The following LRRC37A2 variants were observed in gnomAD, a reference collection of about 807,000 sequenced individuals.
LRRC37A2 encodes leucine rich repeat containing 37 member A2, also known as leucine-rich repeat-containing protein 37A2.
In LRRC37A2, 9 loss-of-function variants were observed where a neutral mutation model predicts 68.8. That is an observed-to-expected ratio of 0.13 (90% CI 0.08 to 0.23). The LOEUF is 0.23. LRRC37A2 is among the 10% of genes least tolerant of loss of function. LRRC37A2 has a pLI of 1.00. For missense variants in LRRC37A2, 168 were observed against 950.4 expected (o/e 0.18, Z 10.82); for synonymous variants, 63 against 367.6 (o/e 0.17, Z 9.48).
the LRRC37A2 span, among the ~76,000 whole-genome samples, chr17:46,737,075 C>T: frequency 6.6e-6 from 1 of 152,146 alleles, no homozygotes; most frequent in Admixed American, 6.5e-5. Context: ...TAAGGAACAT[C>T]TGCTTTTATT....
the LRRC37A2 span, chr17:46,769,749 C>G: frequency 6.2e-7 from 1 of 1,605,194 alleles, no homozygotes; most frequent in East Asian, 2.2e-5. Flanking sequence ...GGGGGCTGCT[C>G]CCTGAAGGGT....
At chr17:46,922,737 C>A in the LRRC37A2 span, 3 of 163,842 alleles carry the variant, frequency 1.8e-5, no homozygotes, top group Non-Finnish European at 4.0e-5. Flanking sequence ...GAAAAGCTTG[C>A]GCCAGGAAAA....
chr17:46,850,211 T>C, the LRRC37A2 span, among the ~76,000 whole-genome samples: 1 of 152,234 alleles, frequency 6.6e-6, no homozygotes, highest in Non-Finnish European at 1.5e-5. Context: ...CCATATTTCA[T>C]ATGGGGCTCA....
At chr17:46,793,581 C>A in the LRRC37A2 span, among the ~76,000 whole-genome samples, 1 of 152,152 alleles carries the variant, frequency 6.6e-6, no homozygotes, top group African/African-American at 2.4e-5. Flanking sequence ...GACCTGAGGG[C>A]TGGAGGCATT....
At chr17:46,942,345 A>G in the LRRC37A2 span, among the ~76,000 whole-genome samples, 1 of 152,164 alleles carries the variant, frequency 6.6e-6, no homozygotes, top group African/African-American at 2.4e-5. Flanking sequence ...ATCCCTGCCA[A>G]TCTGAAACCC....
the LRRC37A2 span, among the ~76,000 whole-genome samples, chr17:46,828,278 C>A: frequency 6.6e-6 from 1 of 151,856 alleles, no homozygotes; most frequent in Non-Finnish European, 1.5e-5. Flanking sequence ...CTCAGTGCGA[C>A]CTCCATCTCC....
chr17:46,728,784 A>C, the LRRC37A2 span: 160 of 1,154,224 alleles, frequency 1.4e-4, no homozygotes, highest in Middle Eastern at 2.0e-4. Context: ...AAAAAAAAAA[A>C]ACAAAAACTG....
the LRRC37A2 span, among the ~76,000 whole-genome samples, chr17:46,460,802 G>C: frequency 9.9e-6 from 1 of 100,762 alleles, no homozygotes; most frequent in South Asian, 4.5e-4. Flanking sequence ...GAGTAAGAGA[G>C]AGAGAGAGAG....
the LRRC37A2 span, among the ~76,000 whole-genome samples, chr17:46,992,877 A>AAAG: frequency 6.9e-6 from 1 of 145,522 alleles, no homozygotes; most frequent in African/African-American, 2.5e-5. Flanking sequence ...AAAAAAAAAA[A>AAAG]GAATATGTAG....
At chr17:46,575,663 G>A in the LRRC37A2 span, among the ~76,000 whole-genome samples, 7 of 87,222 alleles carry the variant, frequency 8.0e-5, no homozygotes, top group Non-Finnish European at 1.7e-4. Context: ...GTGAACCTAA[G>A]AATGTGCAAG....
the LRRC37A2 span, chr17:46,933,552 C>T: frequency 6.6e-6 from 1 of 151,686 alleles, no homozygotes; most frequent in Non-Finnish European, 1.5e-5. Flanking sequence ...TGAGGAGCTC[C>T]CCTGTTAGCA....
At chr17:46,789,524 C>T in the LRRC37A2 span, among the ~76,000 whole-genome samples, 1 of 152,304 alleles carries the variant, frequency 6.6e-6, no homozygotes, top group East Asian at 1.9e-4. Context: ...CAGGAAGGCC[C>T]CAACCTTCCC....
At chr17:47,010,076 G>T in the LRRC37A2 span, among the ~76,000 whole-genome samples, 1 of 152,200 alleles carries the variant, frequency 6.6e-6, no homozygotes, top group South Asian at 2.1e-4. Context: ...AAACTTGTTC[G>T]CAAGTAGGGA....
the LRRC37A2 span, among the ~76,000 whole-genome samples, chr17:46,497,345 T>A: frequency 6.7e-6 from 1 of 149,500 alleles, no homozygotes; most frequent in Non-Finnish European, 1.5e-5. Context: ...ATTTGTTTTC[T>A]GGTTATTTCT....
the LRRC37A2 span, among the ~76,000 whole-genome samples, chr17:46,493,534 T>G: frequency 2.2e-5 from 1 of 46,462 alleles, no homozygotes; most frequent in Non-Finnish European, 6.3e-5. Context: ...TTTATTTTAT[T>G]TTATTTATTT....
the LRRC37A2 span, chr17:46,923,057 A>G: frequency 2.9e-6 from 2 of 700,276 alleles, no homozygotes; most frequent in Non-Finnish European, 5.2e-6. Context: ...CACTGCTAGT[A>G]AGGCGCGCGT....
the LRRC37A2 span, among the ~76,000 whole-genome samples, chr17:47,012,826 G>A: frequency 2.0e-5 from 3 of 152,284 alleles, no homozygotes; most frequent in African/African-American, 7.2e-5. Context: ...GGCCTCAAAA[G>A]CTTAAACCTA....
chr17:46,868,318 G>A, the LRRC37A2 span, among the ~76,000 whole-genome samples: 8 of 152,318 alleles, frequency 5.3e-5, no homozygotes, highest in South Asian at 6.2e-4. Flanking sequence ...TTGGCTGGGC[G>A]TGGTGGCTCA....
At chr17:46,714,081 C>A in the LRRC37A2 span, 1 of 1,295,322 alleles carries the variant, frequency 7.7e-7, no homozygotes. Context: ...CATATAAACC[C>A]ATAGCAACTA....
Sources: allele counts gnomAD v4.1 joint callset (sites outside exome capture counted in the v4.1 genomes callset), GRCh38; gene constraint gnomAD v4.1.1; transcripts MANE v1.5; gene names NCBI Gene and HGNC (gene_info 2026-07-23, HGNC 2026-07-21).